Variants in SPATC1 observed in about 807,000 individuals in gnomAD.
The protein encoded by SPATC1 is spermatogenesis and centriole associated 1.
In SPATC1, 35 loss-of-function variants were observed where a neutral mutation model predicts 36.5. That is an observed-to-expected ratio of 0.96 (90% CI 0.73 to 1.27). The LOEUF is 1.27. Among genes scored for constraint, SPATC1 ranks in the 50% most tolerant of loss-of-function variants. The pLI, the probability that SPATC1 is intolerant of heterozygous loss-of-function variation, is 0.00. For missense variants in SPATC1, 779 were observed against 796.0 expected (o/e 0.98, Z 0.26); for synonymous variants, 361 against 353.6 (o/e 1.02, Z -0.24).
chr8:144,015,044 T>TAAA (rs1564265710), intron 1 of SPATC1, among the ~76,000 whole-genome samples: 11 of 143,792 alleles, frequency 7.6e-5, no homozygotes, highest in African/African-American at 3.1e-4. Context: ...TATTTAAAAT[T>TAAA]TTTTTTTTTT....
Position 144,012,627 on chromosome 8 carries a change from A to G in SPATC1, c.112A>G (p.Lys38Glu), listed in dbSNP as rs1330717814. ...GCTCATTCGGGAGAATCACGAGCTCAAGTCAGCGATCAAGACTCAGGCAGG... is the reference window on the plus strand; with the variant it reads ...GCTCATTCGGGAGAATCACGAGCTCGAGTCAGCGATCAAGACTCAGGCAGG... Reference protein sequence around the residue: ...VRLIRENHELKSAIKTQAGGL... With the variant: ...VRLIRENHELESAIKTQAGGL... The change falls in exon 1 of 5, where the codon AAG becomes GAG. Residue 38 changes from lysine (K) to glutamate (E), a missense_variant. By Grantham distance (56) the Lys-to-Glu change is moderately conservative (BLOSUM62 1). Coordinates refer to ENST00000377470, the MANE Select transcript of SPATC1 (RefSeq NM_198572.3). The G allele has an allele frequency of 2.6e-6, 4 of 1,551,730 alleles. No individual in the cohort carries two copies. Among genetic ancestry groups the G allele is most frequent in the African/African-American group, 1.4e-5 (1 of 73,156 alleles).
intron 1 of SPATC1, among the ~76,000 whole-genome samples, chr8:144,029,614 A>G (rs1834755354): frequency 6.6e-6 from 1 of 152,138 alleles, no homozygotes; most frequent in African/African-American, 2.4e-5. Context: ...TCATTTCCAC[A>G]GTTGTGAATT....
rs556535408 is a variant in SPATC1 at position 144,037,955 on chromosome 8, C to G, written c.212-1954C>G. On this transcript the variant is annotated intron_variant, in intron 1 of 4. Transcript: ENST00000377470. Reference sequence around the variant, plus strand: ...CCATCCTGGCTAACACGGTGAAACCCTGTCTCTCCTAAAAATACAAAAAAT... The same window carrying G: ...CCATCCTGGCTAACACGGTGAAACCGTGTCTCTCCTAAAAATACAAAAAAT... Among the ~76,000 whole-genome samples, 7 of 151,634 alleles carry G rather than the reference C, an allele frequency of 4.6e-5. No homozygotes were observed. The South Asian group carries it at 1.5e-3, about 32-fold the overall frequency.
In SPATC1 at chr8:144,033,119, G is replaced by A. The variant is rs1016083595; in HGVS notation, c.212-6790G>A. 1.1e-3 allele frequency among the ~76,000 whole-genome samples: 166 copies of A among 152,220 alleles called. 1 individual carries two copies. Among genetic ancestry groups the A allele is most frequent in the African/African-American group, 3.8e-3 (158 of 41,556 alleles). ...ATGGCATGAAACAAAAGTTAGGCTGGGCACAGTGGCTCACGCCTGTTATCC... is the reference window on the plus strand; with the variant it reads ...ATGGCATGAAACAAAAGTTAGGCTGAGCACAGTGGCTCACGCCTGTTATCC... On this transcript the variant is annotated intron_variant, in intron 1 of 4. Coordinates refer to ENST00000377470, the MANE Select transcript of SPATC1 (RefSeq NM_198572.3).
chr8:144,011,315 G>C (rs918491006), upstream of SPATC1, among the ~76,000 whole-genome samples: 1 of 152,068 alleles, frequency 6.6e-6, no homozygotes, highest in Non-Finnish European at 1.5e-5. The surrounding 1 kb of genome is among the most constrained non-coding windows in gnomAD (Gnocchi z 4.5). Flanking sequence ...GGTCCCTGGG[G>C]CCAGAGTGAC....
intron 1 of SPATC1, among the ~76,000 whole-genome samples, chr8:144,030,783 T>G (rs1003941319): frequency 3.3e-4 from 50 of 152,316 alleles, no homozygotes; most frequent in Middle Eastern, 3.4e-3. Flanking sequence ...TTTTTTCCTG[T>G]ACATTTTAAA....
At position 144,040,435 on chromosome 8, in the gene SPATC1, T is replaced by TTGC. The variant is rs782795107; in HGVS notation, c.739_741dup (p.Cys247dup). 7 of 1,605,446 alleles carry TTGC rather than the reference T, an allele frequency of 4.4e-6. No individual in the cohort carries two copies. Among genetic ancestry groups the TTGC allele is most frequent in the Non-Finnish European group, 5.9e-6 (7 of 1,176,486 alleles). ...GCCCCACTGGGCCCCAGTCCCCAGC[T>TTGC]TGCGTGGTACCCACTGCCACCACCA... is the stretch of plus-strand genomic sequence containing the variant. On this transcript the variant is annotated inframe_insertion, in exon 2 of 5. Coordinates refer to ENST00000377470, the MANE Select transcript of SPATC1 (RefSeq NM_198572.3).
At chr8:144,037,931 C>T (rs1210802910) in intron 1 of SPATC1, among the ~76,000 whole-genome samples, 4 of 151,758 alleles carry the variant, frequency 2.6e-5, no homozygotes, top group East Asian at 1.9e-4. Flanking sequence ...AGATCAAGAC[C>T]ATCCTGGCTA....
At chr8:144,037,324 C>T (rs1834927881) in intron 1 of SPATC1, among the ~76,000 whole-genome samples, 2 of 151,564 alleles carry the variant, frequency 1.3e-5, no homozygotes, top group African/African-American at 4.8e-5. Context: ...GTGTACCCAA[C>T]AACTCATTGA....
chr8:144,038,386 T>C (rs1487074941), intron 1 of SPATC1, among the ~76,000 whole-genome samples: 7 of 150,210 alleles, frequency 4.7e-5, no homozygotes, highest in African/African-American at 1.2e-4. Flanking sequence ...TGAGCCGAGA[T>C]TGTGCCACTG....
intron 4 of SPATC1, among the ~76,000 whole-genome samples, chr8:144,042,284 AAT>A (rs1554756220): frequency 0.1 from 3,744 of 36,048 alleles, 507 homozygotes; most frequent in Non-Finnish European, 0.11. Context: ...ACGCCCAGCT[AAT>A]ATATATATAT....
In SPATC1 at chr8:144,045,773, A is replaced by T. The variant is rs1835243399; in HGVS notation, c.1447-854A>T. Among the ~76,000 whole-genome samples, 1 of 152,228 alleles carries T rather than the reference A, an allele frequency of 6.6e-6. No homozygotes were observed. The highest frequency in any genetic ancestry group is 2.4e-5 in the African/African-American group (1 of 41,450). ...GCAGGGCCCAGTGCAAAATGAAAAT[A>T]ATTCAAAACTTAGAACTTCAGGATG... On this transcript the variant is annotated intron_variant, in intron 4 of 4. Transcript: ENST00000377470. This position sits in a 1 kb window ranked among gnomAD's most constrained non-coding sequence, Gnocchi z 5.2.
Position 144,046,153 on chromosome 8 carries a change from G to A in SPATC1, c.1447-474G>A, listed in dbSNP as rs868919863. On this transcript the variant is annotated intron_variant, in intron 4 of 4. Transcript: ENST00000377470. The surrounding 1 kb of genome is among the most constrained non-coding windows in gnomAD (Gnocchi z 6.6). Reference sequence around the variant, plus strand: ...CAGGCTAGAGGGTGCTGAGGATGGAGGCCAGGGTAAGGAAGGGGGTGGCCT... The same window carrying A: ...CAGGCTAGAGGGTGCTGAGGATGGAAGCCAGGGTAAGGAAGGGGGTGGCCT... Among the ~76,000 whole-genome samples, 2 of 152,112 alleles carry A rather than the reference G, an allele frequency of 1.3e-5. No individual in the cohort carries two copies. The highest frequency in any genetic ancestry group is 2.9e-5 in the Non-Finnish European group (2 of 67,994).
chr8:144,037,097 CG>C (rs1320373409), intron 1 of SPATC1, among the ~76,000 whole-genome samples: 93 of 126,138 alleles, frequency 7.4e-4, no homozygotes, highest in Non-Finnish European at 1.4e-3. Flanking sequence ...GCCGGCTGGG[CG>C]GGGGGCTGAC....
intron 1 of SPATC1, among the ~76,000 whole-genome samples, chr8:144,028,010 T>C (rs1181460615): frequency 6.6e-6 from 1 of 151,922 alleles, no homozygotes; most frequent in Admixed American, 6.6e-5. Context: ...AAGATTATTT[T>C]ATCAATTGAA....
At chr8:144,039,255 C>T (rs1359681085) in intron 1 of SPATC1, among the ~76,000 whole-genome samples, 1 of 152,224 alleles carries the variant, frequency 6.6e-6, no homozygotes, top group Non-Finnish European at 1.5e-5. Flanking sequence ...TCCTCCAGGA[C>T]CAAGGAAAGC....
intron 1 of SPATC1, among the ~76,000 whole-genome samples, chr8:144,034,668 C>A (rs1230639474): frequency 6.6e-6 from 1 of 152,020 alleles, no homozygotes; most frequent in Non-Finnish European, 1.5e-5. Flanking sequence ...TGTCACCAGG[C>A]TGGAGTGGAA....
chr8:144,040,591 C>CA lies in SPATC1; in HGVS notation c.791dup (p.Ser265ValfsTer106). The CA allele has an allele frequency of 6.3e-7, 1 of 1,599,254 alleles. No individual in the cohort carries two copies. Among genetic ancestry groups the CA allele is most frequent in the Non-Finnish European group, 8.5e-7 (1 of 1,172,804 alleles). Reference sequence around the variant, plus strand: ...AGTCCCACTCTCCACTGAGCCCCCCCAGTCGACCCAGGACCCAGAGCCTCT... The same window carrying CA: ...AGTCCCACTCTCCACTGAGCCCCCCCAAGTCGACCCAGGACCCAGAGCCTCT... On this transcript the variant is annotated frameshift_variant, in exon 3 of 5. Coordinates refer to ENST00000377470, the MANE Select transcript of SPATC1 (RefSeq NM_198572.3). LOFTEE classifies it high-confidence loss of function.
intron 1 of SPATC1, among the ~76,000 whole-genome samples, chr8:144,032,899 A>G (rs1834826558): frequency 1.3e-5 from 2 of 152,130 alleles, no homozygotes; most frequent in African/African-American, 4.8e-5. Context: ...GATTTCCATG[A>G]GCACACACAA....
Sources: gnomAD v4.1 joint callset for allele counts (sites outside exome capture counted in the v4.1 genomes callset) on GRCh38, gnomAD v4.1.1 for gene constraint, Gnocchi (gnomAD v3.1) non-coding constraint, MANE v1.5 for transcripts, NCBI Gene and HGNC (gene_info 2026-07-23, HGNC 2026-07-21) for gene names.